The following TCERG1L variants were observed in gnomAD, a reference collection of about 807,000 sequenced individuals.
TCERG1L encodes the protein transcription elongation regulator 1 like.
A neutral mutation model predicts 56.3 loss-of-function variants in TCERG1L; 37 were observed. That is an observed-to-expected ratio of 0.66 (90% confidence interval 0.51 to 0.87). TCERG1L has a LOEUF of 0.87. Ranked by LOEUF, TCERG1L falls within the 40% of genes least tolerant of loss-of-function variation. The pLI is 0.00. For synonymous variants in TCERG1L, 324 were observed against 326.3 expected, an observed-to-expected ratio of 0.99 and a Z score of 0.08; for missense variants, 799 against 774.2, an observed-to-expected ratio of 1.03 and a Z score of -0.38.
At chr10:131,195,465 TCCACAGCAGG>T (rs1279417794) in intron 4 of TCERG1L, among the ~76,000 whole-genome samples, 2 of 152,178 alleles carry the variant, frequency 1.3e-5, no homozygotes, top group Non-Finnish European at 2.9e-5. Flanking sequence ...CTGACGGCTA[TCCACAGCAGG>T]CCACAGCAGG....
chr10:131,212,223 G>C (rs909760477), intron 4 of TCERG1L, among the ~76,000 whole-genome samples: 3 of 152,162 alleles, frequency 2.0e-5, no homozygotes, highest in Admixed American at 6.5e-5. Context: ...TCAGACCCAG[G>C]GCAAGACAGC....
At chr10:131,096,157 G>C (rs1331652085) in intron 11 of TCERG1L, among the ~76,000 whole-genome samples, 3 of 152,198 alleles carry the variant, frequency 2.0e-5, no homozygotes, top group Non-Finnish European at 2.9e-5. Flanking sequence ...ATTTGGAGGA[G>C]GGCTCGGGAG....
chr10:131,280,591 C>T (rs1420299609), intron 3 of TCERG1L, among the ~76,000 whole-genome samples: 1 of 152,214 alleles, frequency 6.6e-6, no homozygotes, highest in Non-Finnish European at 1.5e-5. Flanking sequence ...TGGCCCTAAG[C>T]AGTTCCCAGC....
rs975865381 is a variant in TCERG1L, at chr10:131,146,384, A to G, written c.1189+122T>C. On this transcript the variant is annotated intron_variant, in intron 7 of 11. Coordinates refer to ENST00000368642, the MANE Select transcript of TCERG1L (RefSeq NM_174937.4). ...ATTACTAAACTCTGCAATCGGGCACAGGATTCCTTAATAGTCAATTTTCAA... is the reference window on the plus strand; with the variant it reads ...ATTACTAAACTCTGCAATCGGGCACGGGATTCCTTAATAGTCAATTTTCAA... 3 of 1,143,968 alleles carry G rather than the reference A, an allele frequency of 2.6e-6. No individual in the cohort carries two copies. In the African/African-American group the frequency reaches 4.6e-5, roughly 18 times the overall value. 70.9% of individuals were successfully genotyped at this position (1,143,968 alleles called of 1,614,324 possible). A position where few individuals can be genotyped will look rare whatever the true frequency, so the allele number is the denominator to read the frequency against.
At chr10:131,112,912 C>T (rs1428369932) in intron 9 of TCERG1L, among the ~76,000 whole-genome samples, 2 of 142,170 alleles carry the variant, frequency 1.4e-5, no homozygotes, top group African/African-American at 2.5e-5. Context: ...TTGAGGGTCG[C>T]CCTTGGGGTG....
At chr10:131,142,245 G>A (rs908255494) in intron 7 of TCERG1L, among the ~76,000 whole-genome samples, 5 of 152,162 alleles carry the variant, frequency 3.3e-5, no homozygotes, top group African/African-American at 1.2e-4. Flanking sequence ...CTCCCACATC[G>A]CCCTGAATCC....
At chr10:131,253,963 A>C (rs561817290) in intron 4 of TCERG1L, among the ~76,000 whole-genome samples, 3 of 147,994 alleles carry the variant, frequency 2.0e-5, no homozygotes, top group South Asian at 4.5e-4. Context: ...AATGCTGAAA[A>C]GCAAACGCAA....
At chr10:131,279,475 T>A (rs1397100854) in intron 3 of TCERG1L, among the ~76,000 whole-genome samples, 2 of 152,066 alleles carry the variant, frequency 1.3e-5, no homozygotes, top group Non-Finnish European at 2.9e-5. Flanking sequence ...CTCTAGGACT[T>A]AAAGCCCCAG....
At chr10:131,126,247 T>C (rs1055466817) in intron 8 of TCERG1L, among the ~76,000 whole-genome samples, 9 of 152,232 alleles carry the variant, frequency 5.9e-5, no homozygotes, top group African/African-American at 2.2e-4. Context: ...CCGTGTGCAC[T>C]TGCTGTCCGT....
intron 11 of TCERG1L, among the ~76,000 whole-genome samples, chr10:131,094,356 T>C (rs987346576): frequency 1.3e-5 from 2 of 152,182 alleles, no homozygotes; most frequent in Non-Finnish European, 2.9e-5. Flanking sequence ...CCCTCCCACT[T>C]CTCCTTACAG....
chr10:131,221,527 A>C (rs1845731584), intron 4 of TCERG1L, among the ~76,000 whole-genome samples: 1 of 152,228 alleles, frequency 6.6e-6, no homozygotes, highest in South Asian at 2.1e-4. Context: ...ATGAGGCTCC[A>C]AGTAGGAAGT....
At chr10:131,119,102 T>C (rs1251066638) in intron 8 of TCERG1L, among the ~76,000 whole-genome samples, 5 of 152,168 alleles carry the variant, frequency 3.3e-5, no homozygotes, top group African/African-American at 4.8e-5. Flanking sequence ...GGTCATCTAG[T>C]GGCCAGACCC....
intron 4 of TCERG1L, among the ~76,000 whole-genome samples, chr10:131,199,194 T>TATCTGTACTCACCCTTTG (rs1012149168): frequency 6.6e-6 from 1 of 152,168 alleles, no homozygotes; most frequent in African/African-American, 2.4e-5. Context: ...GGCCGTGGCC[T>TATCTGTACTCACCCTTTG]ATCTGTACTC....
At chr10:131,228,930 C>T (rs111366731) in intron 4 of TCERG1L, among the ~76,000 whole-genome samples, 21 of 109,120 alleles carry the variant, frequency 1.9e-4, no homozygotes, top group Non-Finnish European at 2.8e-4. Flanking sequence ...TTCCTCAAGG[C>T]CTCCGGAGTC....
chr10:131,153,374 T>C (rs1255523980), intron 6 of TCERG1L, among the ~76,000 whole-genome samples: 2 of 152,138 alleles, frequency 1.3e-5, no homozygotes, highest in Non-Finnish European at 2.9e-5. Context: ...CTTGCTCCTC[T>C]GCTGGGCTGC....
chr10:131,255,432 T>A (rs1479025852), intron 4 of TCERG1L, among the ~76,000 whole-genome samples: 1 of 152,218 alleles, frequency 6.6e-6, no homozygotes, highest in Non-Finnish European at 1.5e-5. Flanking sequence ...ACATATATTT[T>A]TAAAAATAGC....
chr10:131,097,415 A>T lies in TCERG1L; in HGVS notation c.1604+891T>A, dbSNP rs1323290730. ...CAGGTTGGAGTGCAGTGGTGCAATCAAGGCTCACTGCAAGCTCCGCCTCCC... is the reference window on the plus strand; with the variant it reads ...CAGGTTGGAGTGCAGTGGTGCAATCTAGGCTCACTGCAAGCTCCGCCTCCC... On this transcript the variant is annotated intron_variant, in intron 11 of 11. Coordinates refer to ENST00000368642, the MANE Select transcript of TCERG1L (RefSeq NM_174937.4). 2.0e-5 allele frequency among the ~76,000 whole-genome samples: 3 copies of T among 152,116 alleles called. No homozygotes were observed. The East Asian group carries it at 5.8e-4, about 29-fold the overall frequency.
At chr10:131,095,052 G>C (rs113363256) in intron 11 of TCERG1L, among the ~76,000 whole-genome samples, 2,033 of 152,332 alleles carry the variant, frequency 0.013, 48 homozygotes, top group African/African-American at 0.047. Flanking sequence ...GTGAACTCAC[G>C]AAGGTCAGCT....
intron 10 of TCERG1L, among the ~76,000 whole-genome samples, chr10:131,099,166 C>A (rs4751321): frequency 0.28 from 43,232 of 152,052 alleles, 6,969 homozygotes; most frequent in East Asian, 0.48. Flanking sequence ...AACAGGAAAA[C>A]CCTGCTCCTC....
Sources: allele counts gnomAD v4.1 joint callset (sites outside exome capture counted in the v4.1 genomes callset), GRCh38; gene constraint gnomAD v4.1.1; transcripts MANE v1.5; gene names NCBI Gene and HGNC (gene_info 2026-07-23, HGNC 2026-07-21).